TRIM47: variants seen among roughly 807,000 people sequenced by gnomAD.
The protein encoded by TRIM47 is E3 ubiquitin-protein ligase TRIM47.
TRIM47 carries 46 observed loss-of-function variants against 54.4 expected under a neutral mutation model. The observed-to-expected ratio is 0.84, with a 90% CI of 0.67 to 1.08. The LOEUF is 1.08. Ranked by LOEUF, TRIM47 falls within the 50% of genes least tolerant of loss-of-function variation. TRIM47 has a pLI of 0.00. For synonymous variants in TRIM47, 392 were observed against 410.2 expected, an observed-to-expected ratio of 0.96 and a Z score of 0.54; for missense variants, 825 against 910.1, an observed-to-expected ratio of 0.91 and a Z score of 1.20.
At position 75,878,261 on chromosome 17, in the gene TRIM47, G is replaced by T; in HGVS notation, c.288C>A (p.Ala96=). 1.6e-6 allele frequency: 2 copies of T among 1,243,740 alleles called. No individual in the cohort carries two copies. Among genetic ancestry groups the T allele is most frequent in the Non-Finnish European group, 2.0e-6 (2 of 993,818 alleles). 77.0% of individuals were successfully genotyped at this position (1,243,740 alleles called of 1,614,324 possible). A position where few individuals can be genotyped will look rare whatever the true frequency, so the allele number is the denominator to read the frequency against. The stretch of plus-strand genomic sequence containing the variant: ...GCGCGCTGGGTGCCGAGGGCTCCGG[G>T]GCCAGGGCAGGGGCCGGGCCGGGGC... ...GSGPGPAPAL[A]PEPSAPSALP... is the part of the protein sequence containing the mutation. Residue 96 remains alanine (A), a synonymous_variant, in exon 1 of 6, where the codon GCC becomes GCA. Coordinates refer to ENST00000254816, the MANE Select transcript of TRIM47 (RefSeq NM_033452.3).
At chr17:75,877,095 C>T (rs902295334) in intron 1 of TRIM47, 18 of 450,000 alleles carry the variant, frequency 4.0e-5, no homozygotes, top group Middle Eastern at 1.3e-3. Context: ...CTCAGTGTTG[C>T]TCAGATGAAT....
chr17:75,875,316 T>G lies in TRIM47; in HGVS notation c.1276+84A>C. On this transcript the variant is annotated intron_variant, in intron 5 of 5. Transcript: ENST00000254816. The surrounding 1 kb of genome is among the most constrained non-coding windows in gnomAD (Gnocchi z 6.1). The stretch of plus-strand genomic sequence containing the variant: ...AAACTGGGGAGAGGAATCCTAACCC[T>G]TGTGTGCCAGGGCCCTGCTGGGACC... The G allele has an allele frequency of 6.7e-7, 1 of 1,495,038 alleles. No individual in the cohort carries two copies. The highest frequency in any genetic ancestry group is 9.3e-7 in the Non-Finnish European group (1 of 1,076,650). 92.6% of individuals were successfully genotyped at this position (1,495,038 alleles called of 1,614,324 possible).
At position 75,875,773 on chromosome 17, in the gene TRIM47, G is replaced by A; in HGVS notation, c.1201+128C>T. 1.8e-6 allele frequency: 2 copies of A among 1,138,688 alleles called. No individual in the cohort carries two copies. Among genetic ancestry groups the A allele is most frequent in the South Asian group, 1.5e-5 (1 of 66,904 alleles). 70.5% of individuals were successfully genotyped at this position (1,138,688 alleles called of 1,614,324 possible). ...AGGGTGGCAGCTCTAGTCACTGGCA[G>A]GATTTGGGCTCCTCCCTGTGCCAGG... On this transcript the variant is annotated intron_variant, in intron 4 of 5. Transcript: ENST00000254816. The surrounding 1 kb of genome is among the most constrained non-coding windows in gnomAD (Gnocchi z 6.1).
In TRIM47 at chr17:75,877,949, C is replaced by T. The variant is rs1429250478; in HGVS notation, c.600G>A (p.Leu200=). The T allele has an allele frequency of 1.0e-5, 15 of 1,454,736 alleles. No individual in the cohort carries two copies. Among genetic ancestry groups the T allele is most frequent in the Non-Finnish European group, 1.4e-5 (15 of 1,107,278 alleles). The allele number at this position is 1,454,736 out of a possible 1,614,324, so 90.1% of individuals were successfully genotyped here. A position where few individuals can be genotyped will look rare whatever the true frequency, so the allele number is the denominator to read the frequency against. The change falls in exon 1 of 6, where the codon CTG becomes CTA. Residue 200 remains leucine (L), a synonymous_variant. Transcript: ENST00000254816. The stretch of plus-strand genomic sequence containing the variant: ...GCTCCTGTGCGGCGCAGGCCTCGCA[C>T]AGACACACGCGCTCCGCGCGGCAGT... ...ERYCRAERVC[L]CEACAAQEHR... is the part of the protein sequence containing the mutation.
Position 75,876,778 on chromosome 17 carries a change from G to T in TRIM47, c.711C>A (p.Asp237Glu). 3.1e-6 allele frequency: 5 copies of T among 1,614,196 alleles called. No individual in the cohort carries two copies. Among genetic ancestry groups the T allele is most frequent in the Non-Finnish European group, 3.4e-6 (4 of 1,180,030 alleles). The change falls in exon 2 of 6, where the codon GAC (aspartate) becomes GAA (glutamate). Residue 237 changes from aspartate (D) to glutamate (E), a missense_variant. By Grantham distance (45) the Asp-to-Glu change is conservative. Transcript: ENST00000254816. ...EQSKVLSAVEDRMDELGAGIA... is the reference protein window; with the variant it reads ...EQSKVLSAVEERMDELGAGIA... ...TGCCAGCACCCAGCTCGTCCATGCG[G>T]TCCTCCACGGCGCTCAGGACTTTGG...
At chr17:75,876,228 C>A in intron 3 of TRIM47, 34 bp downstream of exon 3, 1 of 1,584,612 alleles carries the variant, frequency 6.3e-7, no homozygotes, top group Non-Finnish European at 8.6e-7. Context: ...GTCCCAGCTT[C>A]TGTTCCTTCC....
Position 75,875,118 on chromosome 17 carries a change from A to G in TRIM47, c.1282T>C (p.Tyr428His), listed in dbSNP as rs2065125457. ...GTGTCGCTGTCCAAATCCACAATAT[A>G]GGCAACTGATCCCGTGGACAGAAGA... ...APRDYFLKFAYIVDLDSDTAD... is the reference protein window; with the variant it reads ...APRDYFLKFAHIVDLDSDTAD... Residue 428 changes from tyrosine to histidine, a missense_variant, in exon 6 of 6, where the codon TAT becomes CAT. By Grantham distance (83) the Tyr-to-His change is moderately conservative (BLOSUM62 2). Coordinates refer to ENST00000254816, the MANE Select transcript of TRIM47 (RefSeq NM_033452.3). The surrounding 1 kb of genome is among the most constrained non-coding windows in gnomAD (Gnocchi z 6.1). 6.3e-7 allele frequency: 1 copy of G among 1,592,250 alleles called. No individual in the cohort carries two copies. The highest frequency in any genetic ancestry group is 8.6e-7 in the Non-Finnish European group (1 of 1,165,776).
Position 75,876,380 on chromosome 17 carries a change from G to C in TRIM47, c.884C>G (p.Ala295Gly), listed in dbSNP as rs761373564. The C allele has an allele frequency of 1.1e-5, 17 of 1,612,168 alleles. No individual in the cohort carries two copies. Among genetic ancestry groups the C allele is most frequent in the Non-Finnish European group, 2.5e-6 (3 of 1,179,994 alleles). The change falls in exon 3 of 6, where the codon GCC becomes GGC. Residue 295 changes from alanine (A) to glycine (G), a missense_variant. Coordinates refer to ENST00000254816, the MANE Select transcript of TRIM47 (RefSeq NM_033452.3). ...VLGFIEEGEA[A>G]MLGRSQGDLR... Reference sequence around the variant, plus strand: ...GTCACCCTGGGAGCGGCCTAGCATGGCAGCTTCCCCCTCCTCGATGAAGCC... The same window carrying C: ...GTCACCCTGGGAGCGGCCTAGCATGCCAGCTTCCCCCTCCTCGATGAAGCC...
chr17:75,874,467 G>A lies in TRIM47; in HGVS notation c.*16C>T. 6.7e-7 allele frequency: 1 copy of A among 1,489,892 alleles called. No homozygotes were observed. 92.3% of individuals were successfully genotyped at this position (1,489,892 alleles called of 1,614,324 possible). A position where few individuals can be genotyped will look rare whatever the true frequency, so the allele number is the denominator to read the frequency against. On this transcript the variant is annotated 3_prime_UTR_variant, in exon 6 of 6. Coordinates refer to ENST00000254816, the MANE Select transcript of TRIM47 (RefSeq NM_033452.3). The surrounding 1 kb of genome is among the most constrained non-coding windows in gnomAD (Gnocchi z 6.2). ...TCCTGGAGCAGAGACGGCAGCAGGA[G>A]CGCCCGTGCCCGGCATCACCTCCTC...
intron 3 of TRIM47, 57 bp downstream of exon 3, chr17:75,876,205 C>A: frequency 6.4e-7 from 1 of 1,568,278 alleles, no homozygotes; most frequent in Non-Finnish European, 8.6e-7. Flanking sequence ...CTCCTCCTCC[C>A]TCCACCCCAC....
In TRIM47 at chr17:75,878,432, A is replaced by G. The variant is rs1432325062; in HGVS notation, c.117T>C (p.His39=). The part of the protein sequence containing the change: ...CLACLGALWP[H]RGASGAGGPG... ...GTCCGCCGGCTCCACTCGCGCCACG[A>G]TGCGGCCAGAGCGCGCCCAGGCAGG... The change falls in exon 1 of 6, where the codon CAT becomes CAC. Residue 39 remains histidine, a synonymous_variant. Transcript: ENST00000254816. 3.5e-6 allele frequency: 5 copies of G among 1,429,012 alleles called. No individual in the cohort carries two copies. In the African/African-American group the frequency reaches 5.9e-5, roughly 17 times the overall value. 88.5% of individuals were successfully genotyped at this position (1,429,012 alleles called of 1,614,324 possible).
In TRIM47 at chr17:75,878,087, C is replaced by T. The variant is rs957657332; in HGVS notation, c.462G>A (p.Ala154=). The T allele has an allele frequency of 4.5e-6, 6 of 1,333,186 alleles. No homozygotes were observed. Among genetic ancestry groups the T allele is most frequent in the East Asian group, 3.1e-5 (1 of 32,168 alleles). The allele number at this position is 1,333,186 out of a possible 1,614,324, so 82.6% of individuals were successfully genotyped here. Residue 154 remains alanine (A), a synonymous_variant, in exon 1 of 6, where the codon GCG becomes GCA. Transcript: ENST00000254816. ...CLSCLASFCP[A]HLGPHERSPA... Reference sequence around the variant, plus strand: ...GGCTGCGCTCGTGCGGGCCCAGGTGCGCGGGGCAAAAGGAGGCGAGGCAGG... The same window carrying T: ...GGCTGCGCTCGTGCGGGCCCAGGTGTGCGGGGCAAAAGGAGGCGAGGCAGG...
intron 2 of TRIM47, 77 bp from the exon 3 acceptor site, chr17:75,876,569 C>A: frequency 6.6e-7 from 1 of 1,503,884 alleles, no homozygotes. Flanking sequence ...TCCCTGACCC[C>A]GGCTTCCCAC....
rs1169890590 is a variant in TRIM47 at position 75,878,334 on chromosome 17, G to A, written c.215C>T (p.Thr72Met). Residue 72 changes from threonine (T) to methionine (M), a missense_variant, in exon 1 of 6, where the codon ACG becomes ATG. Coordinates refer to ENST00000254816, the MANE Select transcript of TRIM47 (RefSeq NM_033452.3). ...GCGGAGCTGCAGCAGCTCGGACAGC[G>A]TGTGGTTCTTGCGGAGCTGAAGGCC... ...PDGLQLRKNH[T>M]LSELLQLRQG... 3.0e-6 allele frequency: 4 copies of A among 1,323,112 alleles called. No individual in the cohort carries two copies. The highest frequency in any genetic ancestry group is 3.7e-5 in the South Asian group (2 of 53,852). 82.0% of individuals were successfully genotyped at this position (1,323,112 alleles called of 1,614,324 possible).
rs2065127365 is a variant in TRIM47 at position 75,875,416 on chromosome 17, C to T, written c.1260G>A (p.Arg420=). The change falls in exon 5 of 6, where the codon AGG becomes AGA. Residue 420 remains arginine, a synonymous_variant. Transcript: ENST00000254816. This position sits in a 1 kb window ranked among gnomAD's most constrained non-coding sequence, Gnocchi z 6.1. ...TCCACTTACACTTGAGGAAATAGTCCCTGGGAGCTTCACTCTCCAAGAGGT... is the reference window on the plus strand; with the variant it reads ...TCCACTTACACTTGAGGAAATAGTCTCTGGGAGCTTCACTCTCCAAGAGGT... The part of the protein sequence containing the change: ...STNLLESEAP[R]DYFLKFAYIV... The T allele has an allele frequency of 6.2e-7, 1 of 1,614,070 alleles. No individual in the cohort carries two copies. The highest frequency in any genetic ancestry group is 2.2e-5 in the East Asian group (1 of 44,872).
Position 75,878,481 on chromosome 17 carries a change from G to T in TRIM47, c.68C>A (p.Pro23His). Residue 23 changes from proline (P) to histidine (H), a missense_variant, in exon 1 of 6, where the codon CCC becomes CAC. Pro to His is a moderately conservative substitution (Grantham distance 77). Transcript: ENST00000254816. The stretch of plus-strand genomic sequence containing the variant: ...GGCGAGACAGAAGTTGTGGCCGCAG[G>T]GCAGCGTCACCGGCTCCCGGAGTGG... ...LEPLREPVTL[P>H]CGHNFCLACL... is the part of the protein sequence containing the mutation. 1 of 1,395,368 alleles carries T rather than the reference G, an allele frequency of 7.2e-7. No homozygotes were observed. Among genetic ancestry groups the T allele is most frequent in the Non-Finnish European group, 9.4e-7 (1 of 1,061,490 alleles). The allele number at this position is 1,395,368 out of a possible 1,614,324, so 86.4% of individuals were successfully genotyped here.
In TRIM47 at chr17:75,874,640, G is replaced by A. The variant is rs569959332; in HGVS notation, c.1760C>T (p.Ala587Val). ...GCTCTGGAAGGGGTCAATGGGGGAG[G>A]CCGGGATGCCACCCCGGCGGGGCCG... is the stretch of plus-strand genomic sequence containing the variant. ...ASRPRRGGIP[A>V]SPIDPFQSRL... The change falls in exon 6 of 6, where the codon GCC (alanine) becomes GTC (valine). Residue 587 changes from alanine (A) to valine (V), a missense_variant. By Grantham distance (64) the Ala-to-Val change is moderately conservative. Transcript: ENST00000254816. This position sits in a 1 kb window ranked among gnomAD's most constrained non-coding sequence, Gnocchi z 6.2. 2.6e-5 allele frequency: 42 copies of A among 1,589,350 alleles called. No homozygotes were observed. Among genetic ancestry groups the A allele is most frequent in the Non-Finnish European group, 3.4e-5 (40 of 1,166,256 alleles).
At chr17:75,876,889 G>A (rs1394829013) in intron 1 of TRIM47, 76 bp from the exon 2 acceptor site, 4 of 1,341,478 alleles carry the variant, frequency 3.0e-6, no homozygotes, top group Non-Finnish European at 4.1e-6. Context: ...GGCCTTGCCA[G>A]GGGAGAGAAG....
In TRIM47 at chr17:75,874,964, C is replaced by G. The variant is rs2065124376; in HGVS notation, c.1436G>C (p.Arg479Pro). 1 of 1,613,986 alleles carries G rather than the reference C, an allele frequency of 6.2e-7. No individual in the cohort carries two copies. Among genetic ancestry groups the G allele is most frequent in the Non-Finnish European group, 8.5e-7 (1 of 1,180,012 alleles). The change falls in exon 6 of 6, where the codon CGA (arginine) becomes CCA (proline). Residue 479 changes from arginine (R) to proline (P), a missense_variant. Transcript: ENST00000254816. This position sits in a 1 kb window ranked among gnomAD's most constrained non-coding sequence, Gnocchi z 6.2. ...CTCCACCTCCCAGTAGTAGGTGCCT[C>G]GGTCCAGGGCACCCTCGCCCAGCAC... ...EQVLGEGALDRGTYYWEVEII... is the reference protein window; with the variant it reads ...EQVLGEGALDPGTYYWEVEII...
Sources: allele counts gnomAD v4.1 joint callset, GRCh38; gene constraint gnomAD v4.1.1; non-coding constraint Gnocchi (gnomAD v3.1); transcripts MANE v1.5; gene names NCBI Gene and HGNC (gene_info 2026-07-23, HGNC 2026-07-21).